PDCD1LG2: variants seen among roughly 807,000 people sequenced by gnomAD.
PDCD1LG2 encodes B7 dendritic cell molecule.
A neutral mutation model predicts 28.2 loss-of-function variants in PDCD1LG2; 32 were observed. The observed-to-expected ratio is 1.13, with a 90% CI of 0.86 to 1.52. The LOEUF (loss-of-function observed/expected upper bound fraction) is 1.52, where lower values mean the gene tolerates loss of function less well. Ranked by LOEUF, PDCD1LG2 falls within the 40% of genes most tolerant of loss-of-function variation. The pLI, the probability that PDCD1LG2 is intolerant of heterozygous loss-of-function variation, is 0.00. For synonymous variants in PDCD1LG2, 116 were observed against 120.2 expected (o/e 0.97, Z 0.23); for missense variants, 385 against 323.8 (o/e 1.19, Z -1.45).
At chr9:5,558,033 A>T (rs1816481830) in intron 5 of PDCD1LG2, among the ~76,000 whole-genome samples, 1 of 152,236 alleles carries the variant, frequency 6.6e-6, no homozygotes, top group South Asian at 2.1e-4. Flanking sequence ...CATCAGCCTC[A>T]TGAGAGTGAT....
At chr9:5,513,157 T>C (rs1340539557) in intron 1 of PDCD1LG2, among the ~76,000 whole-genome samples, 1 of 152,244 alleles carries the variant, frequency 6.6e-6, no homozygotes, top group Non-Finnish European at 1.5e-5. Context: ...TATTTCCCGA[T>C]TGGCAGCTCT....
intron 1 of PDCD1LG2, among the ~76,000 whole-genome samples, chr9:5,520,110 G>A (rs1238536760): frequency 6.6e-6 from 1 of 152,042 alleles, no homozygotes; most frequent in Non-Finnish European, 1.5e-5. Context: ...AAAATGTAAG[G>A]AAGCCCGAAT....
intron 1 of PDCD1LG2, among the ~76,000 whole-genome samples, chr9:5,520,909 A>G (rs1820260914): frequency 6.6e-6 from 1 of 152,260 alleles, no homozygotes; most frequent in South Asian, 2.1e-4. Context: ...AAAGACTTGT[A>G]TATGAGTTTT....
chr9:5,541,893 G>A (rs1820694297), intron 3 of PDCD1LG2, among the ~76,000 whole-genome samples: 2 of 152,048 alleles, frequency 1.3e-5, no homozygotes, highest in South Asian at 4.1e-4. Flanking sequence ...TAAGCAAAAA[G>A]AACAAACCTG....
intron 2 of PDCD1LG2, among the ~76,000 whole-genome samples, chr9:5,527,971 G>A (rs1291472171): frequency 6.6e-6 from 1 of 151,994 alleles, no homozygotes; most frequent in Non-Finnish European, 1.5e-5. Flanking sequence ...TGGGATTACA[G>A]GCACCCACCA....
At chr9:5,542,889 A>G (rs1025743228) in intron 3 of PDCD1LG2, among the ~76,000 whole-genome samples, 13 of 152,256 alleles carry the variant, frequency 8.5e-5, no homozygotes, top group Admixed American at 7.2e-4. Flanking sequence ...ACGCATTTTT[A>G]TAGCAGCACA....
intron 1 of PDCD1LG2, among the ~76,000 whole-genome samples, chr9:5,515,679 C>G (rs940215511): frequency 1.3e-5 from 2 of 152,072 alleles, no homozygotes; most frequent in African/African-American, 4.8e-5. Flanking sequence ...AATCCCAGCA[C>G]TTTGGGAGGC....
intron 1 of PDCD1LG2, among the ~76,000 whole-genome samples, chr9:5,515,778 C>A (rs926560224): frequency 1.3e-4 from 19 of 151,600 alleles, no homozygotes; most frequent in Non-Finnish European, 2.7e-4. Context: ...GAAAAATTAG[C>A]CAGGTGCAGT....
At chr9:5,528,210 A>G (rs2129757438) in intron 2 of PDCD1LG2, among the ~76,000 whole-genome samples, 1 of 148,160 alleles carries the variant, frequency 6.7e-6, no homozygotes, top group East Asian at 1.9e-4. Flanking sequence ...TTAAGTATAC[A>G]TATATTTATA....
At chr9:5,547,805 G>T (rs1256245318) in intron 3 of PDCD1LG2, among the ~76,000 whole-genome samples, 1 of 152,020 alleles carries the variant, frequency 6.6e-6, no homozygotes, top group Non-Finnish European at 1.5e-5. Context: ...AGGCATGGTG[G>T]CAGGTGCCTG....
intron 6 of PDCD1LG2, among the ~76,000 whole-genome samples, chr9:5,566,939 A>T (rs1450135564): frequency 6.6e-6 from 1 of 152,246 alleles, no homozygotes; most frequent in Non-Finnish European, 1.5e-5. Context: ...CAGAAGTAAA[A>T]ATATGAAAAT....
rs1816729595 is a variant in PDCD1LG2 at position 5,569,444 on chromosome 9, T to A, written c.817-510T>A. ...GGACAAAGTCAACCCACAACTTGTC[T>A]GGGAGGTTGCTGAGGAATAGATACC... On this transcript the variant is annotated intron_variant, in intron 6 of 6. Coordinates refer to ENST00000397747, the MANE Select transcript of PDCD1LG2 (RefSeq NM_025239.4). This position sits in a 1 kb window ranked among gnomAD's most constrained non-coding sequence, Gnocchi z 4.1. Among the ~76,000 whole-genome samples the A allele has an allele frequency of 6.6e-6, 1 of 152,154 alleles. No homozygotes were observed. Among genetic ancestry groups the A allele is most frequent in the Admixed American group, 6.5e-5 (1 of 15,280 alleles).
intron 3 of PDCD1LG2, among the ~76,000 whole-genome samples, chr9:5,538,238 C>G (rs1208690393): frequency 2.0e-5 from 3 of 152,132 alleles, no homozygotes; most frequent in Non-Finnish European, 2.9e-5. Flanking sequence ...TCTCCAGTCT[C>G]ATTCCCCTTT....
At chr9:5,538,865 T>G (rs947553062) in intron 3 of PDCD1LG2, among the ~76,000 whole-genome samples, 1 of 152,158 alleles carries the variant, frequency 6.6e-6, no homozygotes, top group African/African-American at 2.4e-5. Flanking sequence ...ACAATAATTG[T>G]ACTTATTTAT....
intron 6 of PDCD1LG2, among the ~76,000 whole-genome samples, chr9:5,565,718 T>C (rs1816653798): frequency 6.6e-6 from 1 of 152,184 alleles, no homozygotes; most frequent in African/African-American, 2.4e-5. Flanking sequence ...TTCTGTCCGT[T>C]TATCAATGTT....
chr9:5,566,325 T>C (rs1431659323), intron 6 of PDCD1LG2, among the ~76,000 whole-genome samples: 1 of 152,248 alleles, frequency 6.6e-6, no homozygotes, highest in East Asian at 1.9e-4. Context: ...AAATGCCTAA[T>C]AGAGTTCAGT....
At chr9:5,550,397 C>T (rs1816306327) in intron 4 of PDCD1LG2, among the ~76,000 whole-genome samples, 1 of 152,192 alleles carries the variant, frequency 6.6e-6, no homozygotes, top group African/African-American at 2.4e-5. Context: ...GTAATTTCAT[C>T]ACCGAGTGCA....
intron 5 of PDCD1LG2, among the ~76,000 whole-genome samples, chr9:5,560,043 C>T (rs973452523): frequency 6.6e-6 from 1 of 152,184 alleles, no homozygotes; most frequent in African/African-American, 2.4e-5. Flanking sequence ...TTCATCAAGT[C>T]TTTCCTAATT....
At chr9:5,555,006 G>GT (rs1252680248) in intron 4 of PDCD1LG2, among the ~76,000 whole-genome samples, 1 of 145,640 alleles carries the variant, frequency 6.9e-6, no homozygotes, top group Non-Finnish European at 1.5e-5. Flanking sequence ...TGTGCAAACA[G>GT]TAAAAAAAAA....
Sources: allele counts gnomAD v4.1 joint callset (sites outside exome capture counted in the v4.1 genomes callset), GRCh38; gene constraint gnomAD v4.1.1; non-coding constraint Gnocchi (gnomAD v3.1); transcripts MANE v1.5; gene names NCBI Gene and HGNC (gene_info 2026-07-23, HGNC 2026-07-21).